GLI3: variants seen among roughly 807,000 people sequenced by gnomAD.
GLI3 encodes the protein transcription activator GLI3.
A neutral mutation model predicts 100.8 loss-of-function variants in GLI3; 20 were observed. That is an observed-to-expected ratio of 0.20 (90% confidence interval 0.14 to 0.29). GLI3 has a LOEUF of 0.29. Among genes scored for constraint, GLI3 ranks in the 10% least tolerant of loss-of-function variants. The pLI, the probability that GLI3 is intolerant of heterozygous loss-of-function variation, is 1.00. For missense variants in GLI3, 2,040 were observed against 2,128.5 expected, an observed-to-expected ratio of 0.96 and a Z score of 0.82; for synonymous variants, 938 against 860.5, an observed-to-expected ratio of 1.09 and a Z score of -1.58.
chr7:42,054,459 T>C (rs949279990), intron 4 of GLI3, among the ~76,000 whole-genome samples: 1 of 152,206 alleles, frequency 6.6e-6, no homozygotes, highest in Non-Finnish European at 1.5e-5. Flanking sequence ...AATGTACACA[T>C]ATCTCCTGCA....
chr7:42,073,835 C>T (rs1784829408), intron 4 of GLI3, among the ~76,000 whole-genome samples: 1 of 152,226 alleles, frequency 6.6e-6, no homozygotes, highest in Admixed American at 6.5e-5. Flanking sequence ...ACTTAGTACT[C>T]TTCACTTGAT....
intron 3 of GLI3, among the ~76,000 whole-genome samples, chr7:42,088,934 G>C (rs1785160876): frequency 6.6e-6 from 1 of 152,142 alleles, no homozygotes; most frequent in Admixed American, 6.5e-5. Context: ...CCTTCATCTG[G>C]ACTCAGCAGC....
chr7:42,056,205 C>T (rs1424649071), intron 4 of GLI3, among the ~76,000 whole-genome samples: 10 of 152,202 alleles, frequency 6.6e-5, no homozygotes. Context: ...ACTAATATAA[C>T]ATTTTATTGA....
chr7:42,041,059 G>C (rs948908798), intron 6 of GLI3, among the ~76,000 whole-genome samples: 1 of 152,188 alleles, frequency 6.6e-6, no homozygotes, highest in African/African-American at 2.4e-5. Flanking sequence ...CATTTAAAAG[G>C]TGGGGATGTT....
intron 7 of GLI3, among the ~76,000 whole-genome samples, chr7:42,035,741 G>A (rs1032997521): frequency 5.6e-4 from 48 of 86,282 alleles, no homozygotes; most frequent in African/African-American, 4.7e-3. Flanking sequence ...CAATTTCCTA[G>A]AGAGAAGGGT....
At position 41,961,011 on chromosome 7, in the gene GLI3, G is replaced by A. The variant is rs1022761032; in HGVS notation, c.*3319C>T. On this transcript the variant is annotated 3_prime_UTR_variant, in exon 15 of 15. Coordinates refer to ENST00000395925, the MANE Select transcript of GLI3 (RefSeq NM_000168.6). ...ACATTTTTTTTTCTTTGTTACAAAAGGACTAAGTGGTTCTGAAAGCAAAGG... is the reference window on the plus strand; with the variant it reads ...ACATTTTTTTTTCTTTGTTACAAAAAGACTAAGTGGTTCTGAAAGCAAAGG... 1 of 152,410 alleles carries A rather than the reference G, an allele frequency of 6.6e-6. No individual in the cohort carries two copies. Among genetic ancestry groups the A allele is most frequent in the Admixed American group, 6.6e-5 (1 of 15,244 alleles). The allele number at this position is 152,410 out of a possible 1,614,324, so 9.4% of individuals were successfully genotyped here. A position where few individuals can be genotyped will look rare whatever the true frequency, so the allele number is the denominator to read the frequency against.
intron 2 of GLI3, among the ~76,000 whole-genome samples, chr7:42,187,726 C>T (rs949797948): frequency 2.0e-5 from 3 of 152,006 alleles, no homozygotes; most frequent in Non-Finnish European, 4.4e-5. Flanking sequence ...CCAGCAGAGC[C>T]GGGCACAGTG....
rs5883809 is a variant in GLI3, at chr7:41,964,081, T to TA, written c.*248dup. 113 of 279,554 alleles carry TA rather than the reference T, an allele frequency of 4.0e-4. No homozygotes were observed. Among genetic ancestry groups the TA allele is most frequent in the South Asian group, 1.8e-3 (27 of 15,118 alleles). The allele number at this position is 279,554 out of a possible 1,614,324, so 17.3% of individuals were successfully genotyped here. ...GGCTTACAGTTTTTTTTTTTTTTTT[T>TA]AAAAAGAGGGTGGTTTGAGTGTAAC... On this transcript the variant is annotated 3_prime_UTR_variant, in exon 15 of 15. Coordinates refer to ENST00000395925, the MANE Select transcript of GLI3 (RefSeq NM_000168.6).
intron 2 of GLI3, among the ~76,000 whole-genome samples, chr7:42,202,924 C>T (rs979205323): frequency 6.6e-6 from 1 of 152,190 alleles, no homozygotes; most frequent in East Asian, 1.9e-4. Flanking sequence ...TTCACCATTC[C>T]TAAACCCAAT....
chr7:42,128,020 AAAAAAAAAAAAAG>A (rs1786177875), intron 3 of GLI3, among the ~76,000 whole-genome samples: 1 of 147,304 alleles, frequency 6.8e-6, no homozygotes, highest in African/African-American at 2.5e-5. Context: ...CCCTGACTCA[AAAAAAAAAAAAAG>A]AAAAAGAAAA....
At chr7:42,092,865 G>C (rs969812963) in intron 3 of GLI3, among the ~76,000 whole-genome samples, 5 of 151,816 alleles carry the variant, frequency 3.3e-5, no homozygotes, top group Non-Finnish European at 7.4e-5. Flanking sequence ...CCAGGCTGGA[G>C]TGCAGTGGTG....
Position 41,964,610 on chromosome 7 carries a change from G to A in GLI3, c.4463C>T (p.Thr1488Ile). The change falls in exon 15 of 15, where the codon ACA becomes ATA. Residue 1488 changes from threonine to isoleucine, a missense_variant. Physicochemically the swap from Thr to Ile is moderately conservative, Grantham distance 89. Around this residue, in one of 5 missense-constraint regions of GLI3, gnomAD observed 1,041 missense variants for 924.0 expected, o/e 1.13. Transcript: ENST00000395925. ...ELLSPGANQV[T>I]STVDSLDSHD... ...GCTGTCGAGGCTGTCCACTGTGCTT[G>A]TCACCTGATTAGCACCTGGGGAAAG... 6.2e-7 allele frequency: 1 copy of A among 1,613,740 alleles called. No homozygotes were observed. The highest frequency in any genetic ancestry group is 1.1e-5 in the South Asian group (1 of 91,072).
rs1787091693 is a variant in GLI3, at chr7:41,964,205, T to C, written c.*125A>G. On this transcript the variant is annotated 3_prime_UTR_variant, in exon 15 of 15. Coordinates refer to ENST00000395925, the MANE Select transcript of GLI3 (RefSeq NM_000168.6). ...ATAAAAGGAATATAATTGAAACACA[T>C]CTCAGTTAGGTGAGATGAGATTGCT... 1.4e-6 allele frequency: 1 copy of C among 736,116 alleles called. No individual in the cohort carries two copies. Among genetic ancestry groups the C allele is most frequent in the Non-Finnish European group, 2.3e-6 (1 of 431,892 alleles). The allele number at this position is 736,116 out of a possible 1,614,324, so 45.6% of individuals were successfully genotyped here.
At chr7:42,032,240 GA>G (rs757550399) in intron 7 of GLI3, among the ~76,000 whole-genome samples, 673 of 147,484 alleles carry the variant, frequency 4.6e-3, no homozygotes, top group African/African-American at 6.8e-3. Flanking sequence ...TATTGCCAAA[GA>G]AAAAAAAAAT....
rs562939365 is a variant in GLI3 at position 41,980,060 on chromosome 7, G to T, written c.1498-1312C>A. Among the ~76,000 whole-genome samples, 90 of 152,308 alleles carry T rather than the reference G, an allele frequency of 5.9e-4. 1 individual carries two copies. Among genetic ancestry groups the T allele is most frequent in the Middle Eastern group, 3.4e-3 (1 of 294 alleles). ...TAAAACTGGGTGAGGACAGAGAAAA[G>T]AAATTGTTGTTCTCTATCTCCTCTC... On this transcript the variant is annotated intron_variant, in intron 10 of 14. Transcript: ENST00000395925.
At chr7:42,213,144 C>G (rs1210590938) in intron 2 of GLI3, among the ~76,000 whole-genome samples, 1 of 152,134 alleles carries the variant, frequency 6.6e-6, no homozygotes, top group Non-Finnish European at 1.5e-5. Context: ...CATTATGATG[C>G]GCTTAAACAA....
At chr7:42,169,014 G>C (rs1787305189) in intron 2 of GLI3, among the ~76,000 whole-genome samples, 1 of 152,192 alleles carries the variant, frequency 6.6e-6, no homozygotes, top group South Asian at 2.1e-4. Context: ...TCTGTTTCTT[G>C]AGCCTAATTC....
intron 3 of GLI3, 132 bp from the exon 4 acceptor site, chr7:42,076,989 T>G (rs780860744): frequency 5.6e-6 from 4 of 716,094 alleles, no homozygotes; most frequent in Non-Finnish European, 1.0e-5. Flanking sequence ...AAAAGAACTC[T>G]TTAAGGTTAG....
rs185070282 is a variant in GLI3 at position 42,098,473 on chromosome 7, T to C, written c.368-21616A>G. ...TCTGTTTCATGGGGCTCCTATTCGA[T>C]GTACAGCAGAGGGCTCTGAGGCAGT... On this transcript the variant is annotated intron_variant, in intron 3 of 14. Transcript: ENST00000395925. 4.1e-3 allele frequency among the ~76,000 whole-genome samples: 624 copies of C among 152,274 alleles called. 3 individuals carry two copies. Among genetic ancestry groups the C allele is most frequent in the African/African-American group, 0.014 (601 of 41,556 alleles).
Sources: allele counts gnomAD v4.1 joint callset (sites outside exome capture counted in the v4.1 genomes callset), GRCh38; gene constraint gnomAD v4.1.1; regional missense constraint gnomAD v4.1.1; transcripts MANE v1.5; gene names NCBI Gene and HGNC (gene_info 2026-07-23, HGNC 2026-07-21).